Variants in PITPNC1 observed in about 807,000 individuals in gnomAD.
The protein encoded by PITPNC1 is cytoplasmic phosphatidylinositol transfer protein 1.
Under a neutral mutation model 44.7 loss-of-function variants are expected in PITPNC1, and 18 were observed. That is an observed-to-expected ratio of 0.40 (90% confidence interval 0.28 to 0.60). PITPNC1 has a LOEUF of 0.60. Among genes scored for constraint, PITPNC1 ranks in the 20% least tolerant of loss-of-function variants. The probability of loss-of-function intolerance (pLI) is 0.39; values close to 1 mark genes in which losing one functional copy is unlikely to be tolerated. For missense variants in PITPNC1, 290 were observed against 418.4 expected, an observed-to-expected ratio of 0.69 and a Z score of 2.68; for synonymous variants, 141 against 149.6, an observed-to-expected ratio of 0.94 and a Z score of 0.42.
At chr17:67,632,402 C>G in intron 6 of PITPNC1, 164 bp downstream of exon 6, 1 of 608,934 alleles carries the variant, frequency 1.6e-6, no homozygotes. Context: ...AATTAAGTCT[C>G]TAACTCTTCA....
At chr17:67,388,903 G>C (rs1287846488) in intron 1 of PITPNC1, among the ~76,000 whole-genome samples, 1 of 152,198 alleles carries the variant, frequency 6.6e-6, no homozygotes, top group Non-Finnish European at 1.5e-5. Context: ...GCGCCTGGCA[G>C]TATATTAGTT....
chr17:67,581,369 T>C (rs2041231844), intron 5 of PITPNC1, among the ~76,000 whole-genome samples: 1 of 152,204 alleles, frequency 6.6e-6, no homozygotes, highest in South Asian at 2.1e-4. Flanking sequence ...ACAGTTTGCT[T>C]CCTCTAGGAG....
At chr17:67,448,090 C>CTCTGAGAACTGGGGCAGCTTCCCTGACTT (rs2039125712) in intron 1 of PITPNC1, among the ~76,000 whole-genome samples, 3 of 152,018 alleles carry the variant, frequency 2.0e-5, no homozygotes, top group African/African-American at 7.3e-5. Flanking sequence ...GGATTAAAGG[C>CTCTGAGAACTGGGGCAGCTTCCCTGACTT]GCACACCACC....
chr17:67,432,113 G>A (rs979050508), intron 1 of PITPNC1, among the ~76,000 whole-genome samples: 6 of 152,188 alleles, frequency 3.9e-5, no homozygotes, highest in Non-Finnish European at 5.9e-5. Flanking sequence ...ATTTATAAGC[G>A]TGCTATGTTT....
intron 1 of PITPNC1, among the ~76,000 whole-genome samples, chr17:67,477,779 C>T (rs2039651053): frequency 6.6e-6 from 1 of 152,164 alleles, no homozygotes; most frequent in Non-Finnish European, 1.5e-5. Flanking sequence ...CTGGGCTTCC[C>T]TCTACCCTGA....
At chr17:67,415,486 G>T (rs1364997483) in intron 1 of PITPNC1, among the ~76,000 whole-genome samples, 1 of 152,168 alleles carries the variant, frequency 6.6e-6, no homozygotes, top group Non-Finnish European at 1.5e-5. Context: ...CGCCTGGACT[G>T]ACTGTTCAGC....
chr17:67,418,869 C>T (rs2038624489), intron 1 of PITPNC1, among the ~76,000 whole-genome samples: 1 of 151,944 alleles, frequency 6.6e-6, no homozygotes, highest in Non-Finnish European at 1.5e-5. Context: ...CCGTGAGCCA[C>T]CCCACCGGGC....
intron 6 of PITPNC1, among the ~76,000 whole-genome samples, chr17:67,636,155 G>C (rs2642060): frequency 0.048 from 7,259 of 152,042 alleles, 471 homozygotes; most frequent in African/African-American, 0.14. Context: ...AAAATTAGCC[G>C]GCCATGGTGG....
chr17:67,569,668 C>G (rs1346784242), intron 4 of PITPNC1, among the ~76,000 whole-genome samples: 4 of 152,176 alleles, frequency 2.6e-5, no homozygotes, highest in African/African-American at 9.7e-5. Flanking sequence ...CAGATGGCAG[C>G]AACACCTATA....
At chr17:67,640,722 G>C (rs2042084128) in intron 6 of PITPNC1, among the ~76,000 whole-genome samples, 2 of 150,390 alleles carry the variant, frequency 1.3e-5, no homozygotes, top group African/African-American at 4.9e-5. Context: ...GGGCACAGTG[G>C]CTCACACCTG....
At chr17:67,574,512 T>A (rs1311972816) in intron 4 of PITPNC1, among the ~76,000 whole-genome samples, 1 of 151,804 alleles carries the variant, frequency 6.6e-6, no homozygotes, top group Non-Finnish European at 1.5e-5. Context: ...GGGTAAGGGA[T>A]GTAGGATAGA....
At chr17:67,586,766 A>G (rs1305038229) in intron 5 of PITPNC1, among the ~76,000 whole-genome samples, 1 of 152,170 alleles carries the variant, frequency 6.6e-6, no homozygotes, top group Non-Finnish European at 1.5e-5. Context: ...TCCAGAATCC[A>G]GATTAGGACA....
At chr17:67,435,108 CAA>C (rs555005702) in intron 1 of PITPNC1, among the ~76,000 whole-genome samples, 26,504 of 75,030 alleles carry the variant, frequency 0.35, 1,980 homozygotes, top group Middle Eastern at 0.44. Context: ...GACTCCATCT[CAA>C]AAAAAAAAAA....
chr17:67,500,808 CGAGTAGCTG>C, intron 1 of PITPNC1, among the ~76,000 whole-genome samples: 1 of 151,912 alleles, frequency 6.6e-6, no homozygotes, highest in East Asian at 1.9e-4. Context: ...CTCAGCCTCC[CGAGTAGCTG>C]GGACCGCAGG....
At position 67,501,942 on chromosome 17, in the gene PITPNC1, A is replaced by T. The variant is rs541416573; in HGVS notation, c.49-30860A>T. Among the ~76,000 whole-genome samples the T allele has an allele frequency of 3.9e-5, 6 of 152,300 alleles. No homozygotes were observed. The East Asian group carries it at 1.2e-3, about 29-fold the overall frequency. On this transcript the variant is annotated intron_variant, in intron 1 of 8. Transcript: ENST00000581322. ...TCGGTGCCTCAGTTTCCTCATCTGT[A>T]CAAGGGAGGTGATCATAATTACACT...
Position 67,444,796 on chromosome 17 carries a change from C to T in PITPNC1, c.48+66594C>T, listed in dbSNP as rs925877473. 2.1e-4 allele frequency among the ~76,000 whole-genome samples: 32 copies of T among 152,008 alleles called. 1 individual carries two copies. The highest frequency in any genetic ancestry group is 5.9e-5 in the Non-Finnish European group (4 of 67,966). On this transcript the variant is annotated intron_variant, in intron 1 of 8. Transcript: ENST00000581322. ...CCTGTAATCCCAGCTACTCGGGAGG[C>T]TGAGGCAGGAGAATCTCTTGAACCC...
At chr17:67,680,391 G>A (rs1461603697) in intron 8 of PITPNC1, among the ~76,000 whole-genome samples, 1 of 152,134 alleles carries the variant, frequency 6.6e-6, no homozygotes, top group Non-Finnish European at 1.5e-5. Context: ...CCTGAGGTCA[G>A]GAGTTCGAGA....
intron 5 of PITPNC1, among the ~76,000 whole-genome samples, chr17:67,606,688 C>T (rs1306980638): frequency 6.6e-6 from 1 of 151,992 alleles, no homozygotes; most frequent in East Asian, 1.9e-4. Flanking sequence ...GAGCCAATAG[C>T]AGTGGCGTGA....
intron 2 of PITPNC1, among the ~76,000 whole-genome samples, chr17:67,536,883 A>G (rs1488660727): frequency 5.9e-5 from 9 of 152,098 alleles, no homozygotes; most frequent in African/African-American, 1.9e-4. Flanking sequence ...TCCCCACTTC[A>G]TGATTTGTGT....
Sources: allele counts gnomAD v4.1 joint callset (sites outside exome capture counted in the v4.1 genomes callset), GRCh38; gene constraint gnomAD v4.1.1; transcripts MANE v1.5; gene names NCBI Gene and HGNC (gene_info 2026-07-23, HGNC 2026-07-21).